Variants in VAT1L observed in about 807,000 individuals in gnomAD.
VAT1L encodes the protein putative NADPH-dependent quinone oxidoreductase VAT1L.
A neutral mutation model predicts 44.1 loss-of-function variants in VAT1L; 34 were observed. The observed-to-expected ratio is 0.77, with a 90% CI of 0.59 to 1.03. The LOEUF (loss-of-function observed/expected upper bound fraction) is 1.03, where lower values mean the gene tolerates loss of function less well. Among genes scored for constraint, VAT1L ranks in the 50% least tolerant of loss-of-function variants. The probability of loss-of-function intolerance (pLI) is 0.00; values close to 1 mark genes in which losing one functional copy is unlikely to be tolerated. For synonymous variants in VAT1L, 253 were observed against 202.2 expected (o/e 1.25, Z -2.13); for missense variants, 615 against 538.8 (o/e 1.14, Z -1.40).
At chr16:77,939,073 C>T (rs17718623) in intron 7 of VAT1L, among the ~76,000 whole-genome samples, 1 of 152,038 alleles carries the variant, frequency 6.6e-6, no homozygotes, top group Non-Finnish European at 1.5e-5. Flanking sequence ...TCCTGATTCT[C>T]AGTGCTCTGT....
chr16:77,943,684 G>A (rs2017921906), intron 7 of VAT1L, among the ~76,000 whole-genome samples: 1 of 152,026 alleles, frequency 6.6e-6, no homozygotes, highest in Non-Finnish European at 1.5e-5. Context: ...TTACAGGTGT[G>A]AGTCACTGCG....
intron 7 of VAT1L, among the ~76,000 whole-genome samples, chr16:77,901,429 G>A (rs974832619): frequency 1.4e-4 from 21 of 152,072 alleles, no homozygotes; most frequent in Non-Finnish European, 2.5e-4. Flanking sequence ...CTCCCAAAGT[G>A]CTGGGATTAC....
chr16:77,910,355 CATT>C (rs908777448), intron 7 of VAT1L, among the ~76,000 whole-genome samples: 18 of 152,256 alleles, frequency 1.2e-4, no homozygotes, highest in Middle Eastern at 3.4e-3. Flanking sequence ...TTTGGAAATT[CATT>C]ATACAGTATC....
At chr16:77,836,752 CTTTAT>C (rs909987783) in intron 3 of VAT1L, among the ~76,000 whole-genome samples, 6 of 152,156 alleles carry the variant, frequency 3.9e-5, no homozygotes, top group African/African-American at 7.2e-5. Context: ...ATCACTCATT[CTTTAT>C]TTTAATTGTT....
intron 7 of VAT1L, among the ~76,000 whole-genome samples, chr16:77,945,528 G>T (rs1281032269): frequency 6.6e-6 from 1 of 151,840 alleles, no homozygotes; most frequent in African/African-American, 2.4e-5. Context: ...GGCCTCAAGC[G>T]ATTGTCCTGC....
chr16:77,911,578 C>T (rs2017500105), intron 7 of VAT1L, among the ~76,000 whole-genome samples: 1 of 152,222 alleles, frequency 6.6e-6, no homozygotes, highest in Admixed American at 6.5e-5. Flanking sequence ...AGCCCTCTTG[C>T]AGTGTCTTCA....
At chr16:77,831,239 G>T (rs182867306) in intron 3 of VAT1L, among the ~76,000 whole-genome samples, 8 of 152,164 alleles carry the variant, frequency 5.3e-5, no homozygotes, top group Admixed American at 4.6e-4. Flanking sequence ...TTTACCTCAC[G>T]TAAGGATTAA....
At chr16:77,894,776 C>T (rs564639675) in intron 7 of VAT1L, among the ~76,000 whole-genome samples, 5 of 152,098 alleles carry the variant, frequency 3.3e-5, no homozygotes, top group Admixed American at 1.3e-4. Context: ...CTAGTATACA[C>T]GTATATTACA....
intron 7 of VAT1L, among the ~76,000 whole-genome samples, chr16:77,903,231 AG>A (rs1484668900): frequency 6.6e-6 from 1 of 152,220 alleles, no homozygotes; most frequent in Non-Finnish European, 1.5e-5. Context: ...GAATTACGAT[AG>A]ATACAGCATA....
chr16:77,815,062 C>G (rs2016328165), intron 1 of VAT1L, among the ~76,000 whole-genome samples: 1 of 152,160 alleles, frequency 6.6e-6, no homozygotes, highest in African/African-American at 2.4e-5. Context: ...AGTTAAGTAA[C>G]TTTTCCCAGG....
intron 8 of VAT1L, among the ~76,000 whole-genome samples, chr16:77,972,198 C>CT (rs1357004506): frequency 6.6e-6 from 1 of 152,196 alleles, no homozygotes; most frequent in African/African-American, 2.4e-5. Flanking sequence ...ACAGACCTGT[C>CT]TATTACAGCT....
chr16:77,940,427 T>C (rs1176926752), intron 7 of VAT1L, among the ~76,000 whole-genome samples: 2 of 137,320 alleles, frequency 1.5e-5, no homozygotes, highest in Non-Finnish European at 3.0e-5. Flanking sequence ...CACTGCAACC[T>C]CTGCCTCCCG....
chr16:77,947,637 C>G (rs993205524), intron 7 of VAT1L, among the ~76,000 whole-genome samples: 12 of 152,298 alleles, frequency 7.9e-5, no homozygotes, highest in African/African-American at 2.4e-4. Context: ...ACAACATCCC[C>G]AGGACACCCA....
intron 3 of VAT1L, among the ~76,000 whole-genome samples, chr16:77,843,148 G>A (rs996700303): frequency 7.9e-5 from 12 of 152,242 alleles, no homozygotes; most frequent in Non-Finnish European, 1.0e-4. Flanking sequence ...TGAGAAAGGG[G>A]ACAGCAGGTA....
At chr16:77,972,965 C>T (rs983726810) in intron 8 of VAT1L, among the ~76,000 whole-genome samples, 3 of 151,878 alleles carry the variant, frequency 2.0e-5, no homozygotes, top group East Asian at 1.9e-4. Flanking sequence ...GGATTATAGG[C>T]GTGAGCTACC....
At chr16:77,956,746 A>C (rs2018108325) in intron 7 of VAT1L, among the ~76,000 whole-genome samples, 1 of 152,136 alleles carries the variant, frequency 6.6e-6, no homozygotes, top group Admixed American at 6.6e-5. Flanking sequence ...CCGGCTTTTG[A>C]TAAGAACACT....
At chr16:77,853,407 C>G (rs1022372011) in intron 3 of VAT1L, among the ~76,000 whole-genome samples, 1 of 152,114 alleles carries the variant, frequency 6.6e-6, no homozygotes, top group African/African-American at 2.4e-5. Flanking sequence ...TGGATCTCAG[C>G]GCCGTCAGCA....
Position 77,979,752 on chromosome 16 carries a change from T to C in VAT1L, c.*2057T>C, listed in dbSNP as rs966591450. The C allele has an allele frequency of 1.3e-5, 2 of 152,646 alleles. No homozygotes were observed. Among genetic ancestry groups the C allele is most frequent in the Admixed American group, 1.3e-4 (2 of 15,286 alleles). The allele number at this position is 152,646 out of a possible 1,614,324, so 9.5% of individuals were successfully genotyped here. On this transcript the variant is annotated 3_prime_UTR_variant, in exon 9 of 9. Transcript: ENST00000302536. ...AGTTAATCCAGTAATCGCAAATTAC[T>C]CCAGATGGTTAAAGAAAACCCTTTC...
intron 1 of VAT1L, among the ~76,000 whole-genome samples, chr16:77,811,031 A>G (rs938924964): frequency 6.6e-6 from 1 of 152,228 alleles, no homozygotes; most frequent in African/African-American, 2.4e-5. Flanking sequence ...TCTATTGAGT[A>G]TAATAGGAAA....
Sources: gnomAD v4.1 joint callset for allele counts (sites outside exome capture counted in the v4.1 genomes callset) on GRCh38, gnomAD v4.1.1 for gene constraint, MANE v1.5 for transcripts, NCBI Gene and HGNC (gene_info 2026-07-23, HGNC 2026-07-21) for gene names.